OTULINL: variants seen among roughly 807,000 people sequenced by gnomAD.
The protein encoded by OTULINL is OTU deubiquitinase with linear linkage specificity like, also known as inactive ubiquitin thioesterase OTULINL.
A neutral mutation model predicts 43.9 loss-of-function variants in OTULINL; 42 were observed. That is an observed-to-expected ratio of 0.96 (90% CI 0.75 to 1.24). The LOEUF is 1.24. Ranked by LOEUF, OTULINL falls within the 50% of genes most tolerant of loss-of-function variation. The pLI is 0.00. For synonymous variants in OTULINL, 172 were observed against 153.6 expected (o/e 1.12, Z -0.88); for missense variants, 411 against 426.4 (o/e 0.96, Z 0.32).
chr5:14,592,722 G>A lies in OTULINL; in HGVS notation c.65-8243G>A, dbSNP rs941067260. ...TGTAAAAGGTCGTCATATGGAAGAG[G>A]AATCAGACTGGTTCTTCATAACCCC... On this transcript the variant is annotated intron_variant, in intron 1 of 7. Transcript: ENST00000274217. Among the ~76,000 whole-genome samples the A allele has an allele frequency of 3.9e-5, 6 of 152,186 alleles. 1 individual carries two copies. The highest frequency in any genetic ancestry group is 1.3e-4 in the Admixed American group (2 of 15,278).
intron 5 of OTULINL, among the ~76,000 whole-genome samples, chr5:14,604,320 T>C (rs1759437477): frequency 6.6e-6 from 1 of 151,894 alleles, no homozygotes; most frequent in African/African-American, 2.4e-5. Flanking sequence ...GGTGATAGAG[T>C]GTGTATTAGT....
rs1759633080 is a variant in OTULINL, at chr5:14,614,296, CTA to C, written c.*3988_*3989del. Among the ~76,000 whole-genome samples, 1 of 152,132 alleles carries C rather than the reference CTA, an allele frequency of 6.6e-6. No homozygotes were observed. The highest frequency in any genetic ancestry group is 2.4e-5 in the African/African-American group (1 of 41,422). On this transcript the variant is annotated 3_prime_UTR_variant, in exon 8 of 8. Coordinates refer to ENST00000274217, the MANE Select transcript of OTULINL (RefSeq NM_019018.3). ...GAACATTATTTAATTAACTTATTGA[CTA>C]TATATGGGTATACTTTTCTCTATAG...
Position 14,593,545 on chromosome 5 carries a change from G to A in OTULINL, c.65-7420G>A, listed in dbSNP as rs1163384507. ...AAAGCAGTGGCAGTGCTGGAGTTCT[G>A]TGACTCCACGGGGAAGGAATTACAA... is the stretch of plus-strand genomic sequence containing the variant. On this transcript the variant is annotated intron_variant, in intron 1 of 7. Transcript: ENST00000274217. 2.0e-5 allele frequency among the ~76,000 whole-genome samples: 3 copies of A among 152,194 alleles called. No homozygotes were observed. In the East Asian group the frequency reaches 5.8e-4, roughly 29 times the overall value.
chr5:14,610,035 C>A, intron 7 of OTULINL, 106 bp from the exon 8 acceptor site: 1 of 964,312 alleles, frequency 1.0e-6, no homozygotes, highest in Non-Finnish European at 1.6e-6. Flanking sequence ...GGTCTGTCAA[C>A]AAGCAGATTA....
rs1314978782 is a variant in OTULINL at position 14,614,634 on chromosome 5, C to G, written c.*4320C>G. 5.0e-6 allele frequency: 2 copies of G among 398,484 alleles called. No individual in the cohort carries two copies. Among genetic ancestry groups the G allele is most frequent in the Non-Finnish European group, 8.8e-6 (2 of 226,070 alleles). 24.7% of individuals were successfully genotyped at this position (398,484 alleles called of 1,614,324 possible). The stretch of plus-strand genomic sequence containing the variant: ...ACTCACGTATTCAGCCACGTATGGT[C>G]TGGAGTGCTCTGTAGAACAGCCCGA... On this transcript the variant is annotated 3_prime_UTR_variant, in exon 8 of 8. Transcript: ENST00000274217.
chr5:14,606,585 A>G (rs1462083039), intron 5 of OTULINL, among the ~76,000 whole-genome samples: 1 of 152,300 alleles, frequency 6.6e-6, no homozygotes, highest in South Asian at 2.1e-4. Context: ...GTATGTTACA[A>G]TGGAGGATGA....
In OTULINL at chr5:14,601,197, C is replaced by A; in HGVS notation, c.225-16C>A. Reference sequence around the variant, plus strand: ...AAAGCAGAATTCTGATATTATTGTTCCCTTTTATCTTTCAGGTGGATTGGA... The same window carrying A: ...AAAGCAGAATTCTGATATTATTGTTACCTTTTATCTTTCAGGTGGATTGGA... On this transcript the variant is annotated splice_polypyrimidine_tract_variant and intron_variant, in intron 2 of 7. Coordinates refer to ENST00000274217, the MANE Select transcript of OTULINL (RefSeq NM_019018.3). 1 of 1,611,664 alleles carries A rather than the reference C, an allele frequency of 6.2e-7. No homozygotes were observed. The highest frequency in any genetic ancestry group is 8.5e-7 in the Non-Finnish European group (1 of 1,179,256).
Position 14,611,409 on chromosome 5 carries a change from T to G in OTULINL, c.*1095T>G, listed in dbSNP as rs947661330. 12 of 152,144 alleles carry G rather than the reference T, an allele frequency of 7.9e-5. No individual in the cohort carries two copies. Among genetic ancestry groups the G allele is most frequent in the African/African-American group, 2.2e-4 (9 of 41,402 alleles). The allele number at this position is 152,144 out of a possible 1,614,324, so 9.4% of individuals were successfully genotyped here. A position where few individuals can be genotyped will look rare whatever the true frequency, so the allele number is the denominator to read the frequency against. Reference sequence around the variant, plus strand: ...GAGAGAGATGCACCATTGCTGGCTTTGAAGATGGAGGAAGGGGCCATAAGC... The same window carrying G: ...GAGAGAGATGCACCATTGCTGGCTTGGAAGATGGAGGAAGGGGCCATAAGC... On this transcript the variant is annotated 3_prime_UTR_variant, in exon 8 of 8. Coordinates refer to ENST00000274217, the MANE Select transcript of OTULINL (RefSeq NM_019018.3).
At position 14,608,650 on chromosome 5, in the gene OTULINL, T is replaced by G. The variant is rs1252928544; in HGVS notation, c.628-98T>G. 2.1e-5 allele frequency: 21 copies of G among 1,020,644 alleles called. No individual in the cohort carries two copies. In the Admixed American group the frequency reaches 5.9e-4, roughly 29 times the overall value. The allele number at this position is 1,020,644 out of a possible 1,614,324, so 63.2% of individuals were successfully genotyped here. Reference sequence around the variant, plus strand: ...AGAGTTAAAGTTCCACTTTTTTCTATTAATCTTTGGTTTATTTTATAAATA... The same window carrying G: ...AGAGTTAAAGTTCCACTTTTTTCTAGTAATCTTTGGTTTATTTTATAAATA... On this transcript the variant is annotated intron_variant, in intron 6 of 7. Coordinates refer to ENST00000274217, the MANE Select transcript of OTULINL (RefSeq NM_019018.3).
chr5:14,610,016 G>T, intron 7 of OTULINL, 125 bp from the exon 8 acceptor site: 1 of 725,400 alleles, frequency 1.4e-6, no homozygotes, highest in Non-Finnish European at 2.3e-6. Flanking sequence ...ACTCAGTGGT[G>T]TATGGGTGGG....
intron 1 of OTULINL, among the ~76,000 whole-genome samples, chr5:14,593,503 G>A (rs1759238297): frequency 6.6e-6 from 1 of 152,206 alleles, no homozygotes; most frequent in Non-Finnish European, 1.5e-5. Flanking sequence ...AGGCTGAGGA[G>A]GCCTGTGTGG....
chr5:14,598,778 A>T (rs1759336063), intron 1 of OTULINL, among the ~76,000 whole-genome samples: 1 of 152,220 alleles, frequency 6.6e-6, no homozygotes, highest in Non-Finnish European at 1.5e-5. Context: ...ATCATTAAAA[A>T]GAATAATGTA....
rs909369642 is a variant in OTULINL at position 14,596,524 on chromosome 5, T to C, written c.65-4441T>C. ...TCATTTTTTAGTTGTAATTCAGTTATTAGCCCAGGAAGGATAATTTTTTTT... is the reference window on the plus strand; with the variant it reads ...TCATTTTTTAGTTGTAATTCAGTTACTAGCCCAGGAAGGATAATTTTTTTT... On this transcript the variant is annotated intron_variant, in intron 1 of 7. Transcript: ENST00000274217. Among the ~76,000 whole-genome samples the C allele has an allele frequency of 2.0e-5, 3 of 152,248 alleles. No homozygotes were observed. The East Asian group carries it at 5.8e-4, about 29-fold the overall frequency.
At chr5:14,584,333 T>C (rs1054227570) in intron 1 of OTULINL, among the ~76,000 whole-genome samples, 2 of 152,154 alleles carry the variant, frequency 1.3e-5, no homozygotes, top group African/African-American at 2.4e-5. Context: ...ACAGGACTCA[T>C]TGGAGGTTCT....
chr5:14,584,508 G>T (rs1037618560), intron 1 of OTULINL, among the ~76,000 whole-genome samples: 7 of 152,216 alleles, frequency 4.6e-5, no homozygotes, highest in South Asian at 2.1e-4. Flanking sequence ...AGAGTTTAAT[G>T]CTAAATCAGA....
chr5:14,582,806 G>A (rs1759033112), intron 1 of OTULINL, among the ~76,000 whole-genome samples: 1 of 103,342 alleles, frequency 9.7e-6, no homozygotes, highest in South Asian at 3.2e-4. Flanking sequence ...ACAGAGCCTT[G>A]CTCTGTCCAA....
chr5:14,593,888 G>T (rs1362455812), intron 1 of OTULINL, among the ~76,000 whole-genome samples: 1 of 152,174 alleles, frequency 6.6e-6, no homozygotes, highest in Admixed American at 6.5e-5. Flanking sequence ...GCATAAGTGG[G>T]TTGCATGACA....
In OTULINL at chr5:14,610,370, A is replaced by G. The variant is rs969854601; in HGVS notation, c.*56A>G. The G allele has an allele frequency of 1.7e-5, 27 of 1,567,548 alleles. No homozygotes were observed. In the African/African-American group the frequency reaches 3.7e-4, roughly 21 times the overall value. ...CAGTGACGGTGGTCACAGTTGCAAT[A>G]AAGTCTCTCTCTGAAACCAAAGCTA... On this transcript the variant is annotated 3_prime_UTR_variant, in exon 8 of 8. Transcript: ENST00000274217.
chr5:14,607,144 C>T (rs772892828), intron 5 of OTULINL, among the ~76,000 whole-genome samples, 186 bp from the exon 6 acceptor site: 5 of 151,972 alleles, frequency 3.3e-5, no homozygotes, highest in African/African-American at 4.8e-5. Context: ...GCAGCAGAAA[C>T]GCTTGGACCT....
Sources: gnomAD v4.1 joint callset for allele counts (sites outside exome capture counted in the v4.1 genomes callset) on GRCh38, gnomAD v4.1.1 for gene constraint, MANE v1.5 for transcripts, NCBI Gene and HGNC (gene_info 2026-07-23, HGNC 2026-07-21) for gene names.